Variants in ZNF77 observed in about 807,000 individuals in gnomAD.
ZNF77 encodes the protein ZNFpT1.
A neutral mutation model predicts 13.5 loss-of-function variants in ZNF77; 15 were observed. The ratio of observed to expected loss-of-function variants is 1.11; its 90% CI spans 0.74 to 1.71. ZNF77 has a LOEUF of 1.71. Ranked by LOEUF, ZNF77 falls within the 40% of genes most tolerant of loss-of-function variation. The pLI is 0.00. For synonymous variants in ZNF77, 282 were observed against 250.0 expected (o/e 1.13, Z -1.21); for missense variants, 717 against 676.4 (o/e 1.06, Z -0.67).
rs372798240 is a variant in ZNF77 at position 2,933,596 on chromosome 19, C to T, written c.1531G>A (p.Val511Met). 23 of 1,613,702 alleles carry T rather than the reference C, an allele frequency of 1.4e-5. No individual in the cohort carries two copies. Among genetic ancestry groups the T allele is most frequent in the African/African-American group, 1.1e-4 (8 of 74,992 alleles). The change falls in exon 4 of 4, where the codon GTG (valine) becomes ATG (methionine). Residue 511 changes from valine to methionine, a missense_variant. Coordinates refer to ENST00000314531, the MANE Select transcript of ZNF77 (RefSeq NM_021217.3). ...GGTCTCTCTCCAGTGTGCGTTCTCA[C>T]GTGCACACGAAGGGACGAGGAACAA... ...YSCSSSLRVHVRTHTGERPYE... is the reference protein window; with the variant it reads ...YSCSSSLRVHMRTHTGERPYE...
Position 2,944,893 on chromosome 19 carries a change from G to A in ZNF77, c.-53C>T, listed in dbSNP as rs547089897. On this transcript the variant is annotated 5_prime_UTR_variant, in exon 1 of 4. Transcript: ENST00000314531. ...GTTAGCGCCCCGCGGTCCAGCGACCGGCGCAGGTGAGCACGACAGGACACC... is the reference window on the plus strand; with the variant it reads ...GTTAGCGCCCCGCGGTCCAGCGACCAGCGCAGGTGAGCACGACAGGACACC... 1.5e-5 allele frequency: 23 copies of A among 1,516,166 alleles called. No individual in the cohort carries two copies. Among genetic ancestry groups the A allele is most frequent in the Middle Eastern group, 1.9e-4 (1 of 5,200 alleles). 93.9% of individuals were successfully genotyped at this position (1,516,166 alleles called of 1,614,324 possible). A position where few individuals can be genotyped will look rare whatever the true frequency, so the allele number is the denominator to read the frequency against.
At position 2,936,826 on chromosome 19, in the gene ZNF77, A is replaced by G. The variant is rs920490170; in HGVS notation, c.131-122T>C. ...GTACCGTTTATAAGGAAGAATAGACATGCTATCAAAGTGAGACTCTGAGGA... is the reference window on the plus strand; with the variant it reads ...GTACCGTTTATAAGGAAGAATAGACGTGCTATCAAAGTGAGACTCTGAGGA... On this transcript the variant is annotated intron_variant, in intron 2 of 3. Transcript: ENST00000314531. 4.4e-6 allele frequency: 4 copies of G among 913,684 alleles called. No homozygotes were observed. The Admixed American group carries it at 1.3e-4, about 30-fold the overall frequency. The allele number at this position is 913,684 out of a possible 1,614,324, so 56.6% of individuals were successfully genotyped here. A position where few individuals can be genotyped will look rare whatever the true frequency, so the allele number is the denominator to read the frequency against.
rs779727618 is a variant in ZNF77, at chr19:2,936,621, C to A, written c.214G>T (p.Val72Leu). Reference sequence around the variant, plus strand: ...CAGGAATCACTTCCTGTGAACTTTACAATCTCTTCATCATTGGATATTCCA... The same window carrying A: ...CAGGAATCACTTCCTGTGAACTTTAAAATCTCTTCATCATTGGATATTCCA... ...GNGISNDEEI[V>L]KFTGSDSWSI... The change falls in exon 3 of 4, where the codon GTA (valine) becomes TTA (leucine). Residue 72 changes from valine (V) to leucine (L), a missense_variant. Transcript: ENST00000314531. The A allele has an allele frequency of 2.1e-5, 34 of 1,611,414 alleles. No homozygotes were observed. Among genetic ancestry groups the A allele is most frequent in the Middle Eastern group, 1.6e-4 (1 of 6,082 alleles).
chr19:2,935,219 C>T (rs533144035), intron 3 of ZNF77, among the ~76,000 whole-genome samples: 73 of 150,960 alleles, frequency 4.8e-4, no homozygotes, highest in African/African-American at 1.3e-3. Context: ...GAGGTTTCAC[C>T]GTGTTAGCCA....
intron 1 of ZNF77, 126 bp downstream of exon 1, chr19:2,944,712 C>T (rs368687344): frequency 5.3e-6 from 7 of 1,329,846 alleles, no homozygotes; most frequent in Middle Eastern, 2.7e-4. Context: ...TCCCCGGGGC[C>T]CAGGCGCTCG....
At position 2,933,680 on chromosome 19, in the gene ZNF77, C is replaced by G. The variant is rs770250071; in HGVS notation, c.1447G>C (p.Val483Leu). The part of the protein sequence containing the change: ...FSHAQYFQKH[V>L]RSHSGVKPYE... ...GGTTTGACCCCACTGTGTGATCTCA[C>G]ATGCTTTTGAAAGTACTGAGCGTGG... is the stretch of plus-strand genomic sequence containing the variant. Residue 483 changes from valine to leucine, a missense_variant, in exon 4 of 4, where the codon GTG becomes CTG. Physicochemically the swap from Val to Leu is conservative, Grantham distance 32. Coordinates refer to ENST00000314531, the MANE Select transcript of ZNF77 (RefSeq NM_021217.3). 3 of 1,612,366 alleles carry G rather than the reference C, an allele frequency of 1.9e-6. No homozygotes were observed. Among genetic ancestry groups the G allele is most frequent in the Non-Finnish European group, 2.5e-6 (3 of 1,178,768 alleles).
intron 2 of ZNF77, among the ~76,000 whole-genome samples, chr19:2,937,934 T>C (rs1678192808): frequency 6.6e-6 from 1 of 152,104 alleles, no homozygotes; most frequent in Non-Finnish European, 1.5e-5. Flanking sequence ...TTTTTATATT[T>C]TTAGTACACA....
At chr19:2,942,979 A>G (rs2088463381) in intron 1 of ZNF77, among the ~76,000 whole-genome samples, 1 of 152,016 alleles carries the variant, frequency 6.6e-6, no homozygotes, top group Admixed American at 6.6e-5. Context: ...ATGGGATTTC[A>G]CCATGTTGGC....
rs1352255466 is a variant in ZNF77, at chr19:2,934,739, G to C, written c.388C>G (p.Leu130Val). 1.2e-6 allele frequency: 2 copies of C among 1,614,176 alleles called. No individual in the cohort carries two copies. The highest frequency in any genetic ancestry group is 3.3e-5 in the Admixed American group (2 of 59,998). The stretch of plus-strand genomic sequence containing the variant: ...TCGGTAGGGTAACTCTTGTGCACAA[G>C]AAGGTTCGCAGTCTGGCTCAAGGTC... ...GETLSQTANL[L>V]VHKSYPTEAK... Residue 130 changes from leucine (L) to valine (V), a missense_variant, in exon 4 of 4, where the codon CTT becomes GTT. By Grantham distance (32) the Leu-to-Val change is conservative. Transcript: ENST00000314531.
At chr19:2,938,951 G>A (rs1253974410) in intron 2 of ZNF77, among the ~76,000 whole-genome samples, 22 of 145,640 alleles carry the variant, frequency 1.5e-4, no homozygotes, top group African/African-American at 3.5e-4. Context: ...GCAAGACTCC[G>A]TCTCAAAAAA....
chr19:2,934,961 GA>G, intron 3 of ZNF77, 146 bp from the exon 4 acceptor site: 1 of 1,075,044 alleles, frequency 9.3e-7, no homozygotes, highest in Non-Finnish European at 1.3e-6. Flanking sequence ...GGTTTCTATG[GA>G]GAACAAGCTT....
rs560409662 is a variant in ZNF77 at position 2,933,724 on chromosome 19, T to C, written c.1403A>G (p.Gln468Arg). The change falls in exon 4 of 4, where the codon CAA (glutamine) becomes CGA (arginine). Residue 468 changes from glutamine to arginine, a missense_variant. Transcript: ENST00000314531. ...AGCGTGGCTGAAGGCTTTCCCACAT[T>C]GATTACATTCGTACGGTTTCTCTCC... ...HSGEKPYECN[Q>R]CGKAFSHAQY... 6.2e-7 allele frequency: 1 copy of C among 1,611,834 alleles called. No individual in the cohort carries two copies. Among genetic ancestry groups the C allele is most frequent in the East Asian group, 2.2e-5 (1 of 44,810 alleles).
chr19:2,934,137 T>C lies in ZNF77; in HGVS notation c.990A>G (p.Gly330=), dbSNP rs754838425. ...GEKPCQCKHC[G]KAFTCYSSLR... ...GAGACGAGTAACAAGTGAACGCTTT[T>C]CCGCAATGTTTACACTGACAGGGTT... Residue 330 remains glycine (G), a synonymous_variant, in exon 4 of 4, where the codon GGA becomes GGG. Transcript: ENST00000314531. 1.2e-6 allele frequency: 2 copies of C among 1,611,468 alleles called. No individual in the cohort carries two copies. Among genetic ancestry groups the C allele is most frequent in the Non-Finnish European group, 1.7e-6 (2 of 1,179,158 alleles).
intron 1 of ZNF77, among the ~76,000 whole-genome samples, chr19:2,942,122 A>G (rs2088454029): frequency 6.7e-6 from 1 of 150,086 alleles, no homozygotes; most frequent in Non-Finnish European, 1.5e-5. Context: ...CCCAGGCTGG[A>G]GTGCAGTGAA....
intron 1 of ZNF77, among the ~76,000 whole-genome samples, chr19:2,940,256 G>A (rs2088437311): frequency 1.3e-5 from 2 of 151,888 alleles, no homozygotes; most frequent in Non-Finnish European, 1.5e-5. Flanking sequence ...AGGTGTGGTG[G>A]TTCACGCCTG....
chr19:2,942,763 C>G (rs568338799), intron 1 of ZNF77, among the ~76,000 whole-genome samples: 1 of 152,022 alleles, frequency 6.6e-6, no homozygotes, highest in South Asian at 2.1e-4. Context: ...AGGCCAGATT[C>G]AGACCCTCCG....
intron 2 of ZNF77, among the ~76,000 whole-genome samples, chr19:2,938,921 A>C (rs945066107): frequency 2.8e-4 from 43 of 151,610 alleles, no homozygotes; most frequent in Non-Finnish European, 5.0e-4. Context: ...GTGCCACTGC[A>C]CTCCAGCTTG....
chr19:2,934,149 A>G lies in ZNF77; in HGVS notation c.978T>C (p.Cys326=), dbSNP rs149394326. 9.9e-6 allele frequency: 16 copies of G among 1,613,644 alleles called. No individual in the cohort carries two copies. In the African/African-American group the frequency reaches 1.1e-4, roughly 11 times the overall value. The change falls in exon 4 of 4, where the codon TGT becomes TGC. Residue 326 remains cysteine, a synonymous_variant. Coordinates refer to ENST00000314531, the MANE Select transcript of ZNF77 (RefSeq NM_021217.3). ...RTHTGEKPCQ[C]KHCGKAFTCY... ...AAGTGAACGCTTTTCCGCAATGTTTACACTGACAGGGTTTCTCTCCAGTGT... is the reference window on the plus strand; with the variant it reads ...AAGTGAACGCTTTTCCGCAATGTTTGCACTGACAGGGTTTCTCTCCAGTGT...
chr19:2,944,755 T>A (rs1424191419), intron 1 of ZNF77, 83 bp downstream of exon 1: 3 of 1,460,316 alleles, frequency 2.1e-6, no homozygotes, highest in Non-Finnish European at 2.7e-6. Context: ...CTCAGCTTTC[T>A]CCGGCTGCGA....
Sources: gnomAD v4.1 joint callset for allele counts (sites outside exome capture counted in the v4.1 genomes callset) on GRCh38, gnomAD v4.1.1 for gene constraint, MANE v1.5 for transcripts, NCBI Gene and HGNC (gene_info 2026-07-23, HGNC 2026-07-21) for gene names.